CCDC110: variants seen among roughly 807,000 people sequenced by gnomAD.
CCDC110 encodes coiled-coil domain-containing protein 110.
CCDC110 carries 70 observed loss-of-function variants against 77.1 expected under a neutral mutation model. The ratio of observed to expected loss-of-function variants is 0.91; its 90% CI spans 0.75 to 1.11. CCDC110 has a LOEUF of 1.11. CCDC110 is among the 50% of genes least tolerant of loss of function. CCDC110 has a pLI of 0.00. For missense variants in CCDC110, 868 were observed against 942.9 expected (o/e 0.92, Z 1.04); for synonymous variants, 295 against 312.5 (o/e 0.94, Z 0.59).
chr4:185,445,679 C>A (rs991703433), intron 6 of CCDC110, 137 bp from the exon 7 acceptor site: 1 of 568,030 alleles, frequency 1.8e-6, no homozygotes, highest in Non-Finnish European at 3.0e-6. Context: ...TGAAAAAGTT[C>A]TTTGGAGTAA....
Position 185,459,290 on chromosome 4 carries a change from T to G in CCDC110, c.1297A>C (p.Asn433His), listed in dbSNP as rs771287068. 4 of 1,613,162 alleles carry G rather than the reference T, an allele frequency of 2.5e-6. No homozygotes were observed. In the Admixed American group the frequency reaches 6.7e-5, roughly 27 times the overall value. Residue 433 changes from asparagine to histidine, a missense_variant, in exon 6 of 7, where the codon AAT (asparagine) becomes CAT (histidine). Coordinates refer to ENST00000307588, the MANE Select transcript of CCDC110 (RefSeq NM_152775.4). ...QCVAKIQYLQNYLKESVQIQK... is the reference protein window; with the variant it reads ...QCVAKIQYLQHYLKESVQIQK... ...ATCTGCACAGATTCTTTTAGGTAATTCTGTAAGTACTGAATTTTTGCAACA... is the reference window on the plus strand; with the variant it reads ...ATCTGCACAGATTCTTTTAGGTAATGCTGTAAGTACTGAATTTTTGCAACA...
At chr4:185,467,677 C>T (rs1326701734) in intron 2 of CCDC110, among the ~76,000 whole-genome samples, 1 of 152,170 alleles carries the variant, frequency 6.6e-6, no homozygotes, top group Non-Finnish European at 1.5e-5. Context: ...AATTTTTATT[C>T]TGAGCCTGCA....
intron 6 of CCDC110, among the ~76,000 whole-genome samples, chr4:185,447,282 C>G (rs775118972): frequency 1.2e-3 from 180 of 151,806 alleles, no homozygotes; most frequent in Non-Finnish European, 2.1e-3. Context: ...GCCGGGTTCA[C>G]GCCATTCTCC....
At position 185,466,445 on chromosome 4, in the gene CCDC110, G is replaced by A. The variant is rs188761952; in HGVS notation, c.116-3396C>T. On this transcript the variant is annotated intron_variant, in intron 2 of 6. Transcript: ENST00000307588. Reference sequence around the variant, plus strand: ...TGCAGAAGGACATGCATAGAAGCCCGAACGAAGTGCTTGAGGAGAGAATGG... The same window carrying A: ...TGCAGAAGGACATGCATAGAAGCCCAAACGAAGTGCTTGAGGAGAGAATGG... Among the ~76,000 whole-genome samples the A allele has an allele frequency of 4.5e-4, 69 of 152,248 alleles. 1 individual carries two copies. Among genetic ancestry groups the A allele is most frequent in the Admixed American group, 3.7e-3 (56 of 15,288 alleles).
intron 6 of CCDC110, chr4:185,452,262 T>C: frequency 3.0e-6 from 3 of 985,434 alleles, no homozygotes; most frequent in East Asian, 2.3e-4. Flanking sequence ...CCTGTATGAC[T>C]TGGGTAGTTT....
intron 5 of CCDC110, among the ~76,000 whole-genome samples, chr4:185,460,503 T>C (rs941854336): frequency 9.9e-5 from 15 of 152,198 alleles, no homozygotes; most frequent in Middle Eastern, 3.2e-3. Context: ...TTCAGAAATA[T>C]AGAAATTTAG....
chr4:185,462,093 C>T (rs1321395269), intron 4 of CCDC110, among the ~76,000 whole-genome samples: 1 of 152,154 alleles, frequency 6.6e-6, no homozygotes, highest in Non-Finnish European at 1.5e-5. Flanking sequence ...AATGAAACTC[C>T]TTCTCAAAGC....
chr4:185,455,541 G>T (rs919617564), intron 6 of CCDC110, among the ~76,000 whole-genome samples: 2 of 152,118 alleles, frequency 1.3e-5, no homozygotes, highest in African/African-American at 4.8e-5. Context: ...AATAATAAAG[G>T]TATCAGTTTA....
Position 185,459,621 on chromosome 4 carries a change from T to C in CCDC110, c.966A>G (p.Leu322=). The C allele has an allele frequency of 1.2e-6, 2 of 1,612,444 alleles. No homozygotes were observed. Among genetic ancestry groups the C allele is most frequent in the Non-Finnish European group, 1.7e-6 (2 of 1,179,462 alleles). Residue 322 remains leucine, a synonymous_variant, in exon 6 of 7, where the codon TTA becomes TTG. Transcript: ENST00000307588. ...TTGACACAGTTTCCCTGAAGGGGAG[T>C]AATTTCTTCACTAATGCCTCTAATT... The part of the protein sequence containing the change: ...ISELEALVKK[L]LPFRETVSKF...
At chr4:185,450,616 G>A (rs777502337) in intron 6 of CCDC110, among the ~76,000 whole-genome samples, 5 of 151,962 alleles carry the variant, frequency 3.3e-5, no homozygotes, top group Admixed American at 6.6e-5. Context: ...GCATGGTGGC[G>A]TGTGCCTGTC....
chr4:185,450,545 G>A (rs1340378634), intron 6 of CCDC110, among the ~76,000 whole-genome samples: 6 of 152,080 alleles, frequency 3.9e-5, no homozygotes, highest in Admixed American at 3.3e-4. Context: ...TTAGGAGTTC[G>A]AGACCAGCCT....
chr4:185,465,854 C>A (rs2095654707), intron 2 of CCDC110, among the ~76,000 whole-genome samples: 1 of 151,800 alleles, frequency 6.6e-6, no homozygotes, highest in Admixed American at 6.6e-5. Context: ...TTCGTTGGGG[C>A]CAGGAGAGAT....
At position 185,459,588 on chromosome 4, in the gene CCDC110, A is replaced by G; in HGVS notation, c.999T>C (p.His333=). ...TTTTACATTTTCTACAAAAATGCACATGGAATTTTGACACAGTTTCCCTGA... is the reference window on the plus strand; with the variant it reads ...TTTTACATTTTCTACAAAAATGCACGTGGAATTTTGACACAGTTTCCCTGA... ...LPFRETVSKF[H]VHFCRKCKKL... Residue 333 remains histidine, a synonymous_variant, in exon 6 of 7, where the codon CAT becomes CAC. Coordinates refer to ENST00000307588, the MANE Select transcript of CCDC110 (RefSeq NM_152775.4). 1 of 1,613,340 alleles carries G rather than the reference A, an allele frequency of 6.2e-7. No individual in the cohort carries two copies. The highest frequency in any genetic ancestry group is 8.5e-7 in the Non-Finnish European group (1 of 1,179,742).
intron 6 of CCDC110, among the ~76,000 whole-genome samples, chr4:185,447,258 T>C (rs2095615329): frequency 6.6e-6 from 1 of 152,010 alleles, no homozygotes; most frequent in Non-Finnish European, 1.5e-5. Context: ...CTCGGCTCAC[T>C]GCAAGCTCCA....
intron 2 of CCDC110, among the ~76,000 whole-genome samples, chr4:185,466,844 G>A (rs181362906): frequency 5.3e-5 from 8 of 152,240 alleles, no homozygotes; most frequent in Admixed American, 3.9e-4. Context: ...GACAATGAGG[G>A]AGGCTAATTG....
chr4:185,448,983 T>C (rs764955916), intron 6 of CCDC110, among the ~76,000 whole-genome samples: 3 of 152,218 alleles, frequency 2.0e-5, no homozygotes, highest in Non-Finnish European at 2.9e-5. Flanking sequence ...TAATACATTA[T>C]CAAAACATTA....
intron 4 of CCDC110, 28 bp downstream of exon 4, chr4:185,462,615 T>C (rs1236143130): frequency 1.3e-6 from 2 of 1,572,150 alleles, no homozygotes; most frequent in Non-Finnish European, 1.8e-6. Flanking sequence ...AGGTGAGATA[T>C]TTCATATATA....
intron 6 of CCDC110, chr4:185,452,177 C>G (rs2095630128): frequency 1.0e-6 from 1 of 984,372 alleles, no homozygotes; most frequent in East Asian, 1.1e-4. Context: ...AGTTTTATTC[C>G]TCAGACTCAG....
chr4:185,446,843 C>T (rs1343154608), intron 6 of CCDC110, among the ~76,000 whole-genome samples: 1 of 152,180 alleles, frequency 6.6e-6, no homozygotes, highest in East Asian at 1.9e-4. Context: ...GAGATGCCAT[C>T]TAGTTTCAAA....
Sources: allele counts gnomAD v4.1 joint callset (sites outside exome capture counted in the v4.1 genomes callset), GRCh38; gene constraint gnomAD v4.1.1; transcripts MANE v1.5; gene names NCBI Gene and HGNC (gene_info 2026-07-23, HGNC 2026-07-21).